CACUL1: variants seen among roughly 807,000 people sequenced by gnomAD.
CACUL1 encodes the protein CDK2 associated cullin domain 1.
A neutral mutation model predicts 45.2 loss-of-function variants in CACUL1; 13 were observed. The ratio of observed to expected loss-of-function variants is 0.29; its 90% confidence interval spans 0.19 to 0.46. CACUL1 has a LOEUF of 0.46. Ranked by LOEUF, CACUL1 falls within the 20% of genes least tolerant of loss-of-function variation. The pLI is 1.00. For missense variants in CACUL1, 421 were observed against 471.4 expected (o/e 0.89, Z 0.99); for synonymous variants, 197 against 174.2 (o/e 1.13, Z -1.03).
chr10:118,701,024 A>G (rs899159348), intron 5 of CACUL1, among the ~76,000 whole-genome samples: 2 of 152,010 alleles, frequency 1.3e-5, no homozygotes, highest in Non-Finnish European at 2.9e-5. Flanking sequence ...TACTTTCCCT[A>G]CTGTCAGGAA....
In CACUL1 at chr10:118,713,217, C is replaced by T. The variant is rs145944950; in HGVS notation, c.598-5630G>A. Among the ~76,000 whole-genome samples, 3 of 152,380 alleles carry T rather than the reference C, an allele frequency of 2.0e-5. No homozygotes were observed. In the East Asian group the frequency reaches 5.8e-4, roughly 29 times the overall value. Reference sequence around the variant, plus strand: ...CGACAGCACCTGGGCTCGCCCCCAACTTTGCTCCAAGATCAGAGTCAGTGC... The same window carrying T: ...CGACAGCACCTGGGCTCGCCCCCAATTTTGCTCCAAGATCAGAGTCAGTGC... On this transcript the variant is annotated intron_variant, in intron 3 of 8. Transcript: ENST00000369151.
intron 6 of CACUL1, among the ~76,000 whole-genome samples, chr10:118,694,347 G>C (rs1371975070): frequency 1.3e-5 from 2 of 152,186 alleles, no homozygotes; most frequent in Non-Finnish European, 2.9e-5. Context: ...TATGTTATCA[G>C]GTACTGTGCG....
chr10:118,735,431 G>A (rs1845731610), intron 1 of CACUL1, among the ~76,000 whole-genome samples: 1 of 152,202 alleles, frequency 6.6e-6, no homozygotes, highest in African/African-American at 2.4e-5. Context: ...CTGGAAACTT[G>A]TTGCAAATGC....
At chr10:118,746,763 G>A (rs1187246852) in intron 1 of CACUL1, among the ~76,000 whole-genome samples, 2 of 152,164 alleles carry the variant, frequency 1.3e-5, no homozygotes, top group Admixed American at 1.3e-4. Flanking sequence ...CAAAAGAAAT[G>A]AGCAAAAGAT....
At chr10:118,720,980 T>C (rs574579699) in intron 3 of CACUL1, among the ~76,000 whole-genome samples, 68 of 152,356 alleles carry the variant, frequency 4.5e-4, no homozygotes, top group African/African-American at 1.6e-3. Flanking sequence ...AAGGGCTATT[T>C]ACCAGTTGCA....
At chr10:118,743,321 T>C (rs1049998323) in intron 1 of CACUL1, among the ~76,000 whole-genome samples, 2 of 151,914 alleles carry the variant, frequency 1.3e-5, no homozygotes, top group Admixed American at 6.6e-5. Context: ...TTTTCCAAAT[T>C]TGACAAATTC....
At chr10:118,738,972 C>T (rs1490924052) in intron 1 of CACUL1, among the ~76,000 whole-genome samples, 5 of 146,352 alleles carry the variant, frequency 3.4e-5, no homozygotes, top group South Asian at 2.2e-4. Flanking sequence ...CCAAGGCAGG[C>T]GGATCACGAG....
intron 7 of CACUL1, among the ~76,000 whole-genome samples, chr10:118,688,143 G>A (rs949119799): frequency 3.3e-5 from 5 of 152,206 alleles, no homozygotes; most frequent in African/African-American, 9.7e-5. Context: ...CTGACCGGCA[G>A]AAAGAGTACA....
At chr10:118,716,216 A>G (rs1564833766) in intron 3 of CACUL1, among the ~76,000 whole-genome samples, 1 of 151,468 alleles carries the variant, frequency 6.6e-6, no homozygotes, top group East Asian at 1.9e-4. Context: ...TGGGCGACAG[A>G]GCAAGACTCC....
At chr10:118,747,885 G>A (rs1201053708) in intron 1 of CACUL1, among the ~76,000 whole-genome samples, 1 of 152,142 alleles carries the variant, frequency 6.6e-6, no homozygotes, top group East Asian at 1.9e-4. Flanking sequence ...AGGAATTCAA[G>A]ATCAGCCTGG....
At position 118,710,090 on chromosome 10, in the gene CACUL1, A is replaced by ATTT. The variant is rs113369997; in HGVS notation, c.598-2506_598-2504dup. Among the ~76,000 whole-genome samples, 292 of 139,964 alleles carry ATTT rather than the reference A, an allele frequency of 2.1e-3. 1 individual carries two copies. The highest frequency in any genetic ancestry group is 5.6e-3 in the African/African-American group (216 of 38,660). 91.8% of individuals were successfully genotyped at this position (139,964 alleles called of 152,430 possible). ...ACTAGGCCTGCCTAATTTGTTTGGG[A>ATTT]TTTTTTTTTTTTTTTGGTAGAAATG... is the stretch of plus-strand genomic sequence containing the variant. On this transcript the variant is annotated intron_variant, in intron 3 of 8. Transcript: ENST00000369151.
At chr10:118,750,904 G>A (rs559135924) in intron 1 of CACUL1, among the ~76,000 whole-genome samples, 5 of 152,258 alleles carry the variant, frequency 3.3e-5, no homozygotes, top group African/African-American at 1.2e-4. Flanking sequence ...TTTGATACAG[G>A]CATACAGTGT....
In CACUL1 at chr10:118,695,110, T is replaced by TC. The variant is rs776621612; in HGVS notation, c.886+30dup. 38 of 1,283,728 alleles carry TC rather than the reference T, an allele frequency of 3.0e-5. No individual in the cohort carries two copies. In the African/African-American group the frequency reaches 5.3e-4, roughly 18 times the overall value. The allele number at this position is 1,283,728 out of a possible 1,614,324, so 79.5% of individuals were successfully genotyped here. A position where few individuals can be genotyped will look rare whatever the true frequency, so the allele number is the denominator to read the frequency against. ...CTTGGAAAAGGCTGTAACAAACAGTTCCAATCCCAACAGAAATGAGAAATG... is the reference window on the plus strand; with the variant it reads ...CTTGGAAAAGGCTGTAACAAACAGTTCCCAATCCCAACAGAAATGAGAAATG... On this transcript the variant is annotated intron_variant, in intron 6 of 8. Coordinates refer to ENST00000369151, the MANE Select transcript of CACUL1 (RefSeq NM_153810.5).
At chr10:118,735,591 G>C (rs188377162) in intron 1 of CACUL1, among the ~76,000 whole-genome samples, 13 of 152,314 alleles carry the variant, frequency 8.5e-5, no homozygotes, top group Admixed American at 5.9e-4. Flanking sequence ...TGGACAGCCA[G>C]GGTTCACTTA....
chr10:118,751,908 G>C (rs1845901800), intron 1 of CACUL1, among the ~76,000 whole-genome samples: 1 of 152,130 alleles, frequency 6.6e-6, no homozygotes, highest in Admixed American at 6.5e-5. Flanking sequence ...TTCACGGGTT[G>C]ATTCCTAGAG....
intron 3 of CACUL1, among the ~76,000 whole-genome samples, chr10:118,713,190 T>TA (rs1845508100): frequency 6.6e-6 from 1 of 152,240 alleles, no homozygotes; most frequent in Non-Finnish European, 1.5e-5. Flanking sequence ...CTGGCCAGGC[T>TA]GCGACAGCAC....
intron 3 of CACUL1, among the ~76,000 whole-genome samples, chr10:118,727,777 G>C (rs765373349): frequency 2.0e-5 from 3 of 152,174 alleles, no homozygotes; most frequent in Non-Finnish European, 2.9e-5. Context: ...TAAAACAGTC[G>C]AGAAATGATG....
At chr10:118,691,199 T>C (rs1475771566) in intron 7 of CACUL1, 66 bp downstream of exon 7, 2 of 1,417,924 alleles carry the variant, frequency 1.4e-6, no homozygotes, top group Non-Finnish European at 1.9e-6. Context: ...ATTTCTCCCA[T>C]GTCAAGCCAG....
chr10:118,715,127 A>G (rs905395592), intron 3 of CACUL1, among the ~76,000 whole-genome samples: 6 of 152,206 alleles, frequency 3.9e-5, no homozygotes, highest in African/African-American at 1.4e-4. Flanking sequence ...GAACTAGATA[A>G]TAGTCTTATG....
Sources: allele counts gnomAD v4.1 joint callset (sites outside exome capture counted in the v4.1 genomes callset), GRCh38; gene constraint gnomAD v4.1.1; transcripts MANE v1.5; gene names NCBI Gene and HGNC (gene_info 2026-07-23, HGNC 2026-07-21).